ARMC12: variants seen among roughly 807,000 people sequenced by gnomAD.
ARMC12 encodes armadillo repeat containing 12.
ARMC12 carries 25 observed loss-of-function variants against 37.4 expected under a neutral mutation model. The ratio of observed to expected loss-of-function variants is 0.67; its 90% CI spans 0.49 to 0.93. ARMC12 has a LOEUF of 0.93. ARMC12 is among the 40% of genes least tolerant of loss of function. The pLI, the probability that ARMC12 is intolerant of heterozygous loss-of-function variation, is 0.00. For missense variants in ARMC12, 384 were observed against 426.6 expected, an observed-to-expected ratio of 0.90 and a Z score of 0.88; for synonymous variants, 167 against 176.1, an observed-to-expected ratio of 0.95 and a Z score of 0.41.
chr6:35,744,427 A>C (rs1028382431), intron 3 of ARMC12, among the ~76,000 whole-genome samples: 2 of 152,182 alleles, frequency 1.3e-5, no homozygotes, highest in African/African-American at 2.4e-5. Flanking sequence ...GGCGTGAGCC[A>C]CTGTGCCTGG....
intron 5 of ARMC12, 41 bp downstream of exon 5, chr6:35,747,688 A>G (rs1561925772): frequency 3.2e-6 from 5 of 1,585,742 alleles, no homozygotes; most frequent in Non-Finnish European, 4.3e-6. Context: ...ATGCCAACTC[A>G]GGTATAGGGG....
chr6:35,735,129 G>A (rs1016402772), upstream of ARMC12: 2 of 152,226 alleles, frequency 1.3e-5, no homozygotes, highest in African/African-American at 4.8e-5. This position sits in a 1 kb window ranked among gnomAD's most constrained non-coding sequence, Gnocchi z 4.0. Context: ...GGATGGAGGG[G>A]CCAGTAACTC....
chr6:35,742,293 C>T (rs908444705), intron 3 of ARMC12, among the ~76,000 whole-genome samples: 2 of 151,406 alleles, frequency 1.3e-5, no homozygotes, highest in East Asian at 2.0e-4. Flanking sequence ...GAGGTCAGTT[C>T]GAGACCAGCC....
In ARMC12 at chr6:35,748,604, G is replaced by A. The variant is rs1221121181; in HGVS notation, c.757G>A (p.Val253Met). 1 of 1,597,998 alleles carries A rather than the reference G, an allele frequency of 6.3e-7. No individual in the cohort carries two copies. The highest frequency in any genetic ancestry group is 8.5e-7 in the Non-Finnish European group (1 of 1,171,326). The change falls in exon 6 of 6, where the codon GTG (valine) becomes ATG (methionine). Residue 253 changes from valine to methionine, a missense_variant. Coordinates refer to ENST00000373866, the MANE Select transcript of ARMC12 (RefSeq NM_001286574.2). ...QSGSLLYEVL[V>M]FAERLSEGRN... ...AGGGAGTCTCCTGTATGAGGTACTG[G>A]TGTTTGCTGAGCGGCTGAGTGAGGG...
chr6:35,744,938 TAGA>T (rs1010906401), intron 3 of ARMC12, among the ~76,000 whole-genome samples: 5 of 152,312 alleles, frequency 3.3e-5, no homozygotes, highest in African/African-American at 1.2e-4. Context: ...GTGCACCTAT[TAGA>T]AGATCTAAAA....
chr6:35,733,992 C>T (rs1766895437), upstream of ARMC12: 1 of 152,186 alleles, frequency 6.6e-6, no homozygotes, highest in African/African-American at 2.4e-5. Flanking sequence ...TGTATTTTGG[C>T]TCTCAGACTT....
chr6:35,733,144 C>G (rs1766874070), upstream of ARMC12, among the ~76,000 whole-genome samples: 1 of 152,048 alleles, frequency 6.6e-6, no homozygotes, highest in Non-Finnish European at 1.5e-5. Flanking sequence ...TGCACTCCAG[C>G]CCGGGTGACA....
intron 3 of ARMC12, among the ~76,000 whole-genome samples, chr6:35,744,886 G>C (rs1187376732): frequency 2.6e-5 from 4 of 152,184 alleles, no homozygotes; most frequent in Admixed American, 2.6e-4. Flanking sequence ...AATATCACCA[G>C]CCATTAGGGA....
intron 5 of ARMC12, 43 bp downstream of exon 5, chr6:35,747,690 G>A (rs548245000): frequency 1.3e-6 from 2 of 1,583,590 alleles, no homozygotes; most frequent in South Asian, 2.2e-5. Context: ...GCCAACTCAG[G>A]TATAGGGGGA....
chr6:35,737,323 C>G lies in ARMC12; in HGVS notation c.163+52C>G, dbSNP rs774432540. 1.4e-5 allele frequency: 22 copies of G among 1,614,120 alleles called. No individual in the cohort carries two copies. The highest frequency in any genetic ancestry group is 1.7e-5 in the Non-Finnish European group (20 of 1,180,052). On this transcript the variant is annotated intron_variant, in intron 1 of 5. Coordinates refer to ENST00000373866, the MANE Select transcript of ARMC12 (RefSeq NM_001286574.2). The stretch of plus-strand genomic sequence containing the variant: ...GCTCTGCCCCAGGAGGCACCTGCTC[C>G]CGAGGCCTCTGCTGTGGGAGGGCCC...
At position 35,747,437 on chromosome 6, in the gene ARMC12, G is replaced by C; in HGVS notation, c.618+3G>C. On this transcript the variant is annotated splice_donor_region_variant and intron_variant, in intron 4 of 5. Transcript: ENST00000373866. ...AGTCAGACTACATCCTGGCACAGGT[G>C]CCTGAGGACCATGGCCAAGGCCCTG... 1 of 1,614,174 alleles carries C rather than the reference G, an allele frequency of 6.2e-7. No homozygotes were observed. The highest frequency in any genetic ancestry group is 8.5e-7 in the Non-Finnish European group (1 of 1,180,030).
upstream of ARMC12, among the ~76,000 whole-genome samples, chr6:35,732,559 T>C (rs938084616): frequency 1.3e-5 from 2 of 152,208 alleles, no homozygotes; most frequent in Non-Finnish European, 2.9e-5. Flanking sequence ...CCTTAGCTTC[T>C]ATGCGCACAA....
At chr6:35,732,038 C>G (rs1766843900), upstream of ARMC12, among the ~76,000 whole-genome samples, 2 of 152,098 alleles carry the variant, frequency 1.3e-5, no homozygotes. Flanking sequence ...GTGCCCGTCG[C>G]CGGATGCGCG....
At chr6:35,733,264 C>T (rs1766877443), upstream of ARMC12, among the ~76,000 whole-genome samples, 2 of 152,178 alleles carry the variant, frequency 1.3e-5, no homozygotes. Context: ...GCTTTTCAGG[C>T]TGGGATGCTT....
the ARMC12 span, among the ~76,000 whole-genome samples, chr6:35,731,897 C>A: frequency 1.1e-3 from 166 of 152,332 alleles, no homozygotes; most frequent in African/African-American, 3.9e-3. Context: ...AGGAGGCGCG[C>A]AGGCGCCGCC....
chr6:35,746,819 G>C lies in ARMC12; in HGVS notation c.445-442G>C, dbSNP rs561445160. Among the ~76,000 whole-genome samples, 11 of 152,198 alleles carry C rather than the reference G, an allele frequency of 7.2e-5. No homozygotes were observed. In the South Asian group the frequency reaches 2.1e-3, roughly 29 times the overall value. ...CTATAGAAGGAGCAGGTCTGGGGAT[G>C]GGGGAGCGTGTTAACTCTGAGAGCT... On this transcript the variant is annotated intron_variant, in intron 3 of 5. Coordinates refer to ENST00000373866, the MANE Select transcript of ARMC12 (RefSeq NM_001286574.2).
At chr6:35,736,702 G>A (rs1300176352), upstream of ARMC12, 1 of 219,304 alleles carries the variant, frequency 4.6e-6, no homozygotes, top group Non-Finnish European at 9.4e-6. Flanking sequence ...CAACCTCCCA[G>A]GCTTAAGCGA....
At chr6:35,737,656 G>A (rs1767011630) in intron 1 of ARMC12, among the ~76,000 whole-genome samples, 1 of 152,194 alleles carries the variant, frequency 6.6e-6, no homozygotes, top group South Asian at 2.1e-4. Flanking sequence ...GCTTCCACTA[G>A]TCCACATGTT....
intron 2 of ARMC12, 98 bp from the exon 3 acceptor site, chr6:35,738,286 T>TGAG (rs1554141437): frequency 1.9e-6 from 2 of 1,063,286 alleles, no homozygotes; most frequent in African/African-American, 4.6e-5. Context: ...CTGATAGCGG[T>TGAG]GGGGGGGGGG....
Sources: allele counts gnomAD v4.1 joint callset (sites outside exome capture counted in the v4.1 genomes callset), GRCh38; gene constraint gnomAD v4.1.1; non-coding constraint Gnocchi (gnomAD v3.1); transcripts MANE v1.5; gene names NCBI Gene and HGNC (gene_info 2026-07-23, HGNC 2026-07-21).